Variants in ALK observed in about 807,000 individuals in gnomAD.
ALK encodes the protein ALK tyrosine kinase receptor.
ALK carries 74 observed loss-of-function variants against 163.1 expected under a neutral mutation model. The observed-to-expected ratio is 0.45, with a 90% confidence interval of 0.38 to 0.55. ALK has a LOEUF of 0.55. ALK is among the 20% of genes least tolerant of loss of function. The pLI is 0.00. For synonymous variants in ALK, 960 were observed against 843.2 expected, an observed-to-expected ratio of 1.14 and a Z score of -2.40; for missense variants, 2,063 against 2,105.3, an observed-to-expected ratio of 0.98 and a Z score of 0.39.
intron 1 of ALK, among the ~76,000 whole-genome samples, chr2:29,726,129 C>CT (rs1219866998): frequency 6.6e-6 from 1 of 152,142 alleles, no homozygotes; most frequent in African/African-American, 2.4e-5. Context: ...AAATATCACT[C>CT]TCCAGGTGGC....
chr2:29,559,982 C>G (rs115785779), intron 3 of ALK, among the ~76,000 whole-genome samples: 1 of 151,996 alleles, frequency 6.6e-6, no homozygotes. Flanking sequence ...GATTTTGAAG[C>G]CTTGGGTTTT....
chr2:29,450,732 G>C (rs1274149873), intron 4 of ALK, among the ~76,000 whole-genome samples: 2 of 152,178 alleles, frequency 1.3e-5, no homozygotes, highest in Non-Finnish European at 2.9e-5. Flanking sequence ...TTTCATGTTT[G>C]CAGGACTATG....
Position 29,590,480 on chromosome 2 carries a change from G to A in ALK, c.953-58364C>T, listed in dbSNP as rs571393518. Among the ~76,000 whole-genome samples the A allele has an allele frequency of 3.3e-5, 5 of 152,130 alleles. No homozygotes were observed. In the East Asian group the frequency reaches 9.7e-4, roughly 29 times the overall value. On this transcript the variant is annotated intron_variant, in intron 3 of 28. Coordinates refer to ENST00000389048, the MANE Select transcript of ALK (RefSeq NM_004304.5). ...TTCTCCTAGGCACGTCTGTGTCCTC[G>A]TTTATAAAACCCAGTGTTATTAAGA...
chr2:29,211,774 G>GAAAAGATTTGATTGA (rs55700008), intron 24 of ALK, among the ~76,000 whole-genome samples: 63,589 of 151,842 alleles, frequency 0.42, 14,497 homozygotes, highest in Non-Finnish European at 0.51. Flanking sequence ...TGCCCCAGAA[G>GAAAAGATTTGATTGA]GACAGTTTCT....
chr2:29,676,453 C>A (rs752850050), intron 3 of ALK, among the ~76,000 whole-genome samples: 1 of 152,028 alleles, frequency 6.6e-6, no homozygotes, highest in Non-Finnish European at 1.5e-5. Context: ...GCACCTTTGT[C>A]AAAAGTCAGT....
At chr2:29,902,721 C>T (rs1394187333) in intron 1 of ALK, among the ~76,000 whole-genome samples, 1 of 152,230 alleles carries the variant, frequency 6.6e-6, no homozygotes, top group African/African-American at 2.4e-5. Flanking sequence ...TGGTCCCCAC[C>T]TGGAATGCTA....
chr2:29,377,378 G>T (rs548369728), intron 5 of ALK, among the ~76,000 whole-genome samples: 2 of 152,040 alleles, frequency 1.3e-5, no homozygotes, highest in Non-Finnish European at 2.9e-5. Flanking sequence ...AGGAGCCTGA[G>T]GCAGGAGAAT....
chr2:29,229,651 T>C (rs1001143469), intron 15 of ALK, among the ~76,000 whole-genome samples: 1 of 152,040 alleles, frequency 6.6e-6, no homozygotes, highest in Non-Finnish European at 1.5e-5. Flanking sequence ...GGCTTGGGGA[T>C]AATAAGACCC....
intron 1 of ALK, among the ~76,000 whole-genome samples, chr2:29,906,937 GTTTTTTTTTTTTTTTTTT>G (rs70962250): frequency 2.5e-5 from 2 of 80,012 alleles, no homozygotes; most frequent in Admixed American, 1.9e-4. Flanking sequence ...TACATTTAAG[GTTTTTTTTTTTTTTTTTT>G]TTTTTTTTTT....
chr2:29,738,587 G>T (rs781280752), intron 1 of ALK, among the ~76,000 whole-genome samples: 1 of 152,002 alleles, frequency 6.6e-6, no homozygotes, highest in Non-Finnish European at 1.5e-5. Context: ...AATATGAGAC[G>T]TGTTTTGAAT....
chr2:29,239,783 A>T lies in ALK; in HGVS notation c.2252T>A (p.Met751Lys), dbSNP rs1258307419. 2 of 1,613,990 alleles carry T rather than the reference A, an allele frequency of 1.2e-6. No individual in the cohort carries two copies. The highest frequency in any genetic ancestry group is 2.2e-5 in the South Asian group (2 of 91,086). Residue 751 changes from methionine to lysine, a missense_variant, in exon 13 of 29, where the codon ATG (methionine) becomes AAG (lysine). Transcript: ENST00000389048. ...CACAGACACGCCGTGGGACCGCATC[A>T]TGGTGTTCTTCCCGCCTTTCCCGCC... ...AAGGKGGKNT[M>K]MRSHGVSVLG...
At chr2:29,685,982 C>T (rs556967789) in intron 3 of ALK, among the ~76,000 whole-genome samples, 8 of 152,296 alleles carry the variant, frequency 5.3e-5, no homozygotes, top group African/African-American at 1.4e-4. Context: ...CTTCACATTC[C>T]TTCTCTGACA....
At chr2:29,795,822 T>C (rs191708412) in intron 1 of ALK, among the ~76,000 whole-genome samples, 3 of 152,326 alleles carry the variant, frequency 2.0e-5, no homozygotes, top group Non-Finnish European at 4.4e-5. Flanking sequence ...ATTTCTTCTT[T>C]TTCAATTATT....
chr2:29,345,325 G>A (rs2148274501), intron 5 of ALK, among the ~76,000 whole-genome samples: 1 of 152,044 alleles, frequency 6.6e-6, no homozygotes, highest in Admixed American at 6.6e-5. Context: ...GAGCCTGGGA[G>A]TTCTCCTCAG....
intron 1 of ALK, among the ~76,000 whole-genome samples, chr2:29,808,494 A>T (rs1484460088): frequency 6.6e-6 from 1 of 152,172 alleles, no homozygotes; most frequent in African/African-American, 2.4e-5. Context: ...TGACAGAATT[A>T]GTCACTTTGC....
chr2:29,408,118 T>G (rs1669635446), intron 4 of ALK, among the ~76,000 whole-genome samples: 2 of 150,512 alleles, frequency 1.3e-5, no homozygotes, highest in African/African-American at 4.9e-5. Context: ...AGTCTCGCTC[T>G]GTCACCCAGG....
chr2:29,872,684 T>C (rs1017451734), intron 1 of ALK, among the ~76,000 whole-genome samples: 1 of 152,238 alleles, frequency 6.6e-6, no homozygotes, highest in Non-Finnish European at 1.5e-5. Context: ...AAGTACAGTT[T>C]CTACTGACTA....
At chr2:29,298,102 A>T (rs183233511) in intron 8 of ALK, among the ~76,000 whole-genome samples, 45 of 152,328 alleles carry the variant, frequency 3.0e-4, no homozygotes, top group African/African-American at 1.1e-3. Context: ...ACCATGACTC[A>T]CGGCAGCCCC....
chr2:29,647,213 A>G lies in ALK; in HGVS notation c.952+47637T>C, dbSNP rs1336768469. Reference sequence around the variant, plus strand: ...AATGAACTTCTGCCATCACTTCTGTATTGTGGCATGTAAGGCTTGTTCTCT... The same window carrying G: ...AATGAACTTCTGCCATCACTTCTGTGTTGTGGCATGTAAGGCTTGTTCTCT... On this transcript the variant is annotated intron_variant, in intron 3 of 28. Coordinates refer to ENST00000389048, the MANE Select transcript of ALK (RefSeq NM_004304.5). Among the ~76,000 whole-genome samples, 4 of 152,272 alleles carry G rather than the reference A, an allele frequency of 2.6e-5. No homozygotes were observed. The East Asian group carries it at 7.7e-4, about 29-fold the overall frequency.
Sources: gnomAD v4.1 joint callset for allele counts (sites outside exome capture counted in the v4.1 genomes callset) on GRCh38, gnomAD v4.1.1 for gene constraint, MANE v1.5 for transcripts, NCBI Gene and HGNC (gene_info 2026-07-23, HGNC 2026-07-21) for gene names.